The following ARGFX variants were observed in gnomAD, a reference collection of about 807,000 sequenced individuals.
ARGFX encodes arginine-fifty homeobox.
ARGFX carries 10 observed loss-of-function variants against 8.0 expected under a neutral mutation model. That is an observed-to-expected ratio of 1.25 (90% CI 0.77 to 2.12). The LOEUF (loss-of-function observed/expected upper bound fraction) is 2.12, where lower values mean the gene tolerates loss of function less well. Among genes scored for constraint, ARGFX ranks in the 30% most tolerant of loss-of-function variants. ARGFX has a pLI of 0.00. For synonymous variants in ARGFX, 116 were observed against 117.8 expected, an observed-to-expected ratio of 0.98 and a Z score of 0.10; for missense variants, 282 against 324.3, an observed-to-expected ratio of 0.87 and a Z score of 1.00.
At chr3:121,570,617 T>G (rs1482872071) in intron 1 of ARGFX, 85 bp from the exon 2 acceptor site, 1 of 831,636 alleles carries the variant, frequency 1.2e-6, no homozygotes, top group Non-Finnish European at 1.8e-6. Context: ...AGGTCATACA[T>G]CAAGCCCAGG....
chr3:121,581,400 G>C (rs994907726), intron 3 of ARGFX, among the ~76,000 whole-genome samples: 1 of 152,068 alleles, frequency 6.6e-6, no homozygotes, highest in Non-Finnish European at 1.5e-5. Context: ...TACATTCTTT[G>C]TTCATAGCAA....
At chr3:121,583,146 C>T (rs1239279028) in intron 3 of ARGFX, among the ~76,000 whole-genome samples, 6 of 150,574 alleles carry the variant, frequency 4.0e-5, no homozygotes, top group African/African-American at 1.5e-4. Context: ...TCTCGTGCCT[C>T]AGCCTCCCTA....
At chr3:121,580,606 A>ATTATT (rs2048772714) in intron 3 of ARGFX, among the ~76,000 whole-genome samples, 2 of 115,194 alleles carry the variant, frequency 1.7e-5, no homozygotes, top group African/African-American at 3.2e-5. Flanking sequence ...ATATATATAT[A>ATTATT]TTTTTTTTTT....
chr3:121,576,605 G>C (rs1412351811), intron 2 of ARGFX, among the ~76,000 whole-genome samples, 179 bp from the exon 3 acceptor site: 1 of 152,098 alleles, frequency 6.6e-6, no homozygotes, highest in Non-Finnish European at 1.5e-5. Context: ...CCAAAGTGCT[G>C]GGATTACAGG....
chr3:121,586,288 G>T lies in ARGFX; in HGVS notation c.636G>T (p.Arg212Ser). 7 of 1,614,190 alleles carry T rather than the reference G, an allele frequency of 4.3e-6. No individual in the cohort carries two copies. Among genetic ancestry groups the T allele is most frequent in the Non-Finnish European group, 5.9e-6 (7 of 1,180,046 alleles). ...AAATGCAAGATACTCAGTGGGAGAGGCTGGTGGCCTCGGTTCCTGCTTTGT... is the reference window on the plus strand; with the variant it reads ...AAATGCAAGATACTCAGTGGGAGAGTCTGGTGGCCTCGGTTCCTGCTTTGT... Reference protein sequence around the residue: ...DFQMQDTQWERLVASVPALYS... With the variant: ...DFQMQDTQWESLVASVPALYS... Residue 212 changes from arginine to serine, a missense_variant, in exon 5 of 5, where the codon AGG becomes AGT. Physicochemically the swap from Arg to Ser is moderately radical, Grantham distance 110 (BLOSUM62 -1). Transcript: ENST00000334384.
At chr3:121,581,682 C>T (rs2108838037) in intron 3 of ARGFX, among the ~76,000 whole-genome samples, 1 of 152,086 alleles carries the variant, frequency 6.6e-6, no homozygotes, top group East Asian at 1.9e-4. Context: ...GGGAGGATGA[C>T]TTGAGCCCAG....
chr3:121,573,855 A>G (rs2048722412), intron 2 of ARGFX, among the ~76,000 whole-genome samples: 1 of 149,830 alleles, frequency 6.7e-6, no homozygotes, highest in Admixed American at 6.6e-5. Context: ...TCTCAAAAAA[A>G]AAAAAAAAAA....
At chr3:121,577,259 ATTTTT>A (rs869249692) in intron 3 of ARGFX, among the ~76,000 whole-genome samples, 2 of 59,644 alleles carry the variant, frequency 3.4e-5, no homozygotes, top group African/African-American at 1.2e-4. Flanking sequence ...ATATATATAT[ATTTTT>A]TTTTTTTTAA....
intron 2 of ARGFX, 65 bp from the exon 3 acceptor site, chr3:121,576,707 TTTTCTTTCTTTC>T (rs200520122): frequency 0.019 from 4,612 of 249,016 alleles, 93 homozygotes; most frequent in Non-Finnish European, 0.023. Flanking sequence ...CTTTCTTTCT[TTTTCTTTCTTTC>T]TTTCTTTCTT....
chr3:121,576,904 C>T lies in ARGFX; in HGVS notation c.220+4C>T, dbSNP rs1036840500. 43 of 340,338 alleles carry T rather than the reference C, an allele frequency of 1.3e-4. No individual in the cohort carries two copies. In the Admixed American group the frequency reaches 1.7e-3, roughly 13 times the overall value. The allele number at this position is 340,338 out of a possible 1,614,324, so 21.1% of individuals were successfully genotyped here. On this transcript the variant is annotated splice_donor_region_variant and intron_variant, in intron 3 of 4. Transcript: ENST00000334384. ...TCCCGAGTAGCTGCGACTACAGGTG[C>T]GTGCCACTACACCCTCTTTTGTAGA...
intron 4 of ARGFX, among the ~76,000 whole-genome samples, chr3:121,585,635 T>C (rs773683260): frequency 3.0e-4 from 45 of 152,068 alleles, no homozygotes; most frequent in Non-Finnish European, 5.9e-4. Context: ...CCACCGTGAC[T>C]GGCCATACAT....
chr3:121,575,010 T>C (rs2048728112), intron 2 of ARGFX, among the ~76,000 whole-genome samples: 1 of 152,152 alleles, frequency 6.6e-6, no homozygotes, highest in South Asian at 2.1e-4. Context: ...AAATAAGTAT[T>C]TGTTGTTGTT....
intron 3 of ARGFX, among the ~76,000 whole-genome samples, chr3:121,580,608 T>TATATA (rs1472341725): frequency 9.3e-6 from 1 of 107,252 alleles, no homozygotes; most frequent in Non-Finnish European, 1.8e-5. Context: ...ATATATATAT[T>TATATA]TTTTTTTTTT....
rs151311215 is a variant in ARGFX, at chr3:121,581,796, G to A, written c.221-3121G>A. Reference sequence around the variant, plus strand: ...TGTGCACCTCTAGTCCCAGCTACTCGGGAGGCTGAGGTGGGAGAATCACTT... The same window carrying A: ...TGTGCACCTCTAGTCCCAGCTACTCAGGAGGCTGAGGTGGGAGAATCACTT... On this transcript the variant is annotated intron_variant, in intron 3 of 4. Transcript: ENST00000334384. Among the ~76,000 whole-genome samples the A allele has an allele frequency of 1.5e-3, 235 of 152,064 alleles. 3 individuals carry two copies. The East Asian group carries it at 0.031, about 20-fold the overall frequency.
At chr3:121,575,362 G>A (rs1437670945) in intron 2 of ARGFX, among the ~76,000 whole-genome samples, 2 of 152,070 alleles carry the variant, frequency 1.3e-5, no homozygotes, top group African/African-American at 4.8e-5. Flanking sequence ...AAGCCAGCTG[G>A]CCATTTCTGA....
chr3:121,577,238 TATATATATATATATATA>T (rs2048744746), intron 3 of ARGFX, among the ~76,000 whole-genome samples: 1 of 63,220 alleles, frequency 1.6e-5, no homozygotes, highest in Non-Finnish European at 2.9e-5. Context: ...TATATATATA[TATATATATATATATATA>T]TATATTTTTT....
At chr3:121,572,007 T>G (rs1205160256) in intron 2 of ARGFX, among the ~76,000 whole-genome samples, 1 of 151,380 alleles carries the variant, frequency 6.6e-6, no homozygotes, top group Non-Finnish European at 1.5e-5. Context: ...TTTTTTGTAT[T>G]TTTAGTAGAG....
chr3:121,588,206 G>A lies in ARGFX; in HGVS notation c.*1606G>A, dbSNP rs1468038947. On this transcript the variant is annotated 3_prime_UTR_variant, in exon 5 of 5. Transcript: ENST00000334384. ...ATAAGGGCTGGGGGTGGTGGCTCAT[G>A]CCTGTAATCCCAGCACTTTGGGAGG... Among the ~76,000 whole-genome samples the A allele has an allele frequency of 2.0e-5, 3 of 151,040 alleles. No homozygotes were observed. Among genetic ancestry groups the A allele is most frequent in the African/African-American group, 7.3e-5 (3 of 41,098 alleles).
In ARGFX at chr3:121,588,083, AAG is replaced by A. The variant is rs200036693; in HGVS notation, c.*1486_*1487del. Among the ~76,000 whole-genome samples the A allele has an allele frequency of 2.2e-3, 331 of 152,144 alleles. 2 individuals carry two copies. The highest frequency in any genetic ancestry group is 0.021 in the East Asian group (110 of 5,186). On this transcript the variant is annotated 3_prime_UTR_variant, in exon 5 of 5. Coordinates refer to ENST00000334384, the MANE Select transcript of ARGFX (RefSeq NM_001012659.2). ...ATAAACTTGCAAAACTCACAAAATA[AAG>A]AGTCAAACTTTTAGAATGACAAGTT...
Sources: allele counts gnomAD v4.1 joint callset (sites outside exome capture counted in the v4.1 genomes callset), GRCh38; gene constraint gnomAD v4.1.1; transcripts MANE v1.5; gene names NCBI Gene and HGNC (gene_info 2026-07-23, HGNC 2026-07-21).